Variants in LHFPL6 observed in about 807,000 individuals in gnomAD.
The protein encoded by LHFPL6 is LHFPL tetraspan subfamily member 6 protein.
Under a neutral mutation model 20.6 loss-of-function variants are expected in LHFPL6, and 9 were observed. The observed-to-expected ratio is 0.44, with a 90% CI of 0.26 to 0.76. The LOEUF is 0.76. Among genes scored for constraint, LHFPL6 ranks in the 30% least tolerant of loss-of-function variants. The pLI, the probability that LHFPL6 is intolerant of heterozygous loss-of-function variation, is 0.20. For synonymous variants in LHFPL6, 105 were observed against 98.7 expected (o/e 1.06, Z -0.38); for missense variants, 218 against 253.5 (o/e 0.86, Z 0.95).
intron 2 of LHFPL6, among the ~76,000 whole-genome samples, chr13:39,596,126 TATAAC>T (rs1156248560): frequency 7.9e-5 from 12 of 152,066 alleles, no homozygotes; most frequent in African/African-American, 1.2e-4. Context: ...ATTCATATAT[TATAAC>T]ATATATATGT....
intron 2 of LHFPL6, among the ~76,000 whole-genome samples, chr13:39,580,419 A>G (rs1208385782): frequency 1.3e-5 from 2 of 152,232 alleles, no homozygotes; most frequent in South Asian, 2.1e-4. Flanking sequence ...GTCACCTACT[A>G]ATAAGAATAT....
At chr13:39,431,572 A>C (rs1871804685) in intron 2 of LHFPL6, among the ~76,000 whole-genome samples, 1 of 152,078 alleles carries the variant, frequency 6.6e-6, no homozygotes, top group Non-Finnish European at 1.5e-5. Context: ...GGAAATCTCA[A>C]ACTTAACATA....
intron 2 of LHFPL6, among the ~76,000 whole-genome samples, chr13:39,578,440 T>G (rs186346829): frequency 2.7e-4 from 41 of 152,322 alleles, no homozygotes; most frequent in African/African-American, 8.2e-4. Context: ...AAACAGAATT[T>G]TATTTTAAGC....
At chr13:39,422,586 C>CAAAA (rs11311637) in intron 2 of LHFPL6, among the ~76,000 whole-genome samples, 1 of 118,806 alleles carries the variant, frequency 8.4e-6, no homozygotes, top group African/African-American at 3.4e-5. Flanking sequence ...AACTCCAACT[C>CAAAA]AAAAAAAAAA....
chr13:39,382,729 C>A (rs1870475150), intron 2 of LHFPL6, among the ~76,000 whole-genome samples: 1 of 152,102 alleles, frequency 6.6e-6, no homozygotes, highest in South Asian at 2.1e-4. Context: ...AAATTAGGAA[C>A]AATTTTATAC....
At chr13:39,540,772 T>C (rs769014272) in intron 2 of LHFPL6, among the ~76,000 whole-genome samples, 68 of 152,212 alleles carry the variant, frequency 4.5e-4, no homozygotes, top group Non-Finnish European at 7.8e-4. Flanking sequence ...TCAAAGTATT[T>C]TAAGTTGCCA....
chr13:39,350,099 G>A (rs1182465685), intron 3 of LHFPL6, among the ~76,000 whole-genome samples: 1 of 152,124 alleles, frequency 6.6e-6, no homozygotes, highest in Non-Finnish European at 1.5e-5. Context: ...AACGCAGCCG[G>A]GAACAATACA....
intron 3 of LHFPL6, among the ~76,000 whole-genome samples, chr13:39,346,794 G>C (rs1181144257): frequency 1.3e-5 from 2 of 152,140 alleles, no homozygotes; most frequent in African/African-American, 4.8e-5. Context: ...GGAGGCCAAG[G>C]TGGCTGGATC....
chr13:39,454,842 A>T (rs1178122946), intron 2 of LHFPL6, among the ~76,000 whole-genome samples: 1 of 152,190 alleles, frequency 6.6e-6, no homozygotes, highest in Non-Finnish European at 1.5e-5. Context: ...TAAGGAGTGG[A>T]GATACAATAT....
At chr13:39,390,510 A>T (rs546255936) in intron 2 of LHFPL6, among the ~76,000 whole-genome samples, 48 of 151,986 alleles carry the variant, frequency 3.2e-4, no homozygotes, top group Non-Finnish European at 3.4e-4. Flanking sequence ...AAACTAAAAA[A>T]GAAAAAACAA....
At chr13:39,503,150 GCTTACAGTGA>G (rs1487074635) in intron 2 of LHFPL6, among the ~76,000 whole-genome samples, 1 of 152,184 alleles carries the variant, frequency 6.6e-6, no homozygotes, top group Admixed American at 6.5e-5. Flanking sequence ...CAGCCAGAAT[GCTTACAGTGA>G]CTTATAAATG....
At chr13:39,467,943 A>C (rs1432145053) in intron 2 of LHFPL6, among the ~76,000 whole-genome samples, 2 of 152,138 alleles carry the variant, frequency 1.3e-5, no homozygotes, top group Non-Finnish European at 2.9e-5. Context: ...ACATTGAATA[A>C]GTTTGTGTGC....
intron 2 of LHFPL6, among the ~76,000 whole-genome samples, chr13:39,386,033 T>C (rs1233745787): frequency 6.6e-6 from 1 of 152,342 alleles, no homozygotes; most frequent in East Asian, 1.9e-4. Context: ...TTATGTTTTT[T>C]GGATACTTTT....
chr13:39,422,580 C>T (rs1480182914), intron 2 of LHFPL6, among the ~76,000 whole-genome samples: 1 of 59,710 alleles, frequency 1.7e-5, no homozygotes, highest in African/African-American at 5.0e-5. Context: ...GAGCGAAACT[C>T]CAACTCAAAA....
chr13:39,554,649 C>T (rs2138514615), intron 2 of LHFPL6, among the ~76,000 whole-genome samples: 1 of 152,254 alleles, frequency 6.6e-6, no homozygotes, highest in East Asian at 1.9e-4. Context: ...TTGTCTTCCC[C>T]CTCCTCCCCA....
chr13:39,470,694 T>A (rs1872921612), intron 2 of LHFPL6, among the ~76,000 whole-genome samples: 1 of 152,118 alleles, frequency 6.6e-6, no homozygotes, highest in Non-Finnish European at 1.5e-5. Context: ...CATGTAAAAC[T>A]ACAGAAAAAA....
chr13:39,599,313 GA>G (rs1872859460), intron 2 of LHFPL6, among the ~76,000 whole-genome samples: 1 of 152,150 alleles, frequency 6.6e-6, no homozygotes, highest in African/African-American at 2.4e-5. Flanking sequence ...TATTCTTACA[GA>G]AAAAAATTTT....
rs1363875463 is a variant in LHFPL6 at position 39,366,418 on chromosome 13, T to C, written c.484+12010A>G. On this transcript the variant is annotated intron_variant, in intron 3 of 3. Coordinates refer to ENST00000379589, the MANE Select transcript of LHFPL6 (RefSeq NM_005780.3). ...AAAGCTTCCAGTGTTAGTCAAGATA[T>C]GAATAACAGAACCACTTGTACTAGC... Among the ~76,000 whole-genome samples the C allele has an allele frequency of 2.6e-5, 4 of 152,210 alleles. No homozygotes were observed. The East Asian group carries it at 7.7e-4, about 29-fold the overall frequency.
chr13:39,566,656 C>A (rs549335635), intron 2 of LHFPL6, among the ~76,000 whole-genome samples: 1 of 147,158 alleles, frequency 6.8e-6, no homozygotes, highest in South Asian at 2.1e-4. Flanking sequence ...TCACCTGAGC[C>A]CAGGAAGTCC....
Sources: gnomAD v4.1 joint callset for allele counts (sites outside exome capture counted in the v4.1 genomes callset) on GRCh38, gnomAD v4.1.1 for gene constraint, MANE v1.5 for transcripts, NCBI Gene and HGNC (gene_info 2026-07-23, HGNC 2026-07-21) for gene names.